Variants in ABHD12 observed in about 807,000 individuals in gnomAD.
ABHD12 encodes the protein lysophosphatidylserine lipase ABHD12.
In ABHD12, 43 loss-of-function variants were observed where a neutral mutation model predicts 58.3. The ratio of observed to expected loss-of-function variants is 0.74; its 90% confidence interval spans 0.58 to 0.95. The LOEUF is 0.95. Among genes scored for constraint, ABHD12 ranks in the 40% least tolerant of loss-of-function variants. The probability of loss-of-function intolerance (pLI) is 0.00; values close to 1 mark genes in which losing one functional copy is unlikely to be tolerated. For missense variants in ABHD12, 539 were observed against 537.2 expected (o/e 1.00, Z -0.03); for synonymous variants, 219 against 211.2 (o/e 1.04, Z -0.32).
chr20:25,312,064 A>G (rs1016612706), intron 6 of ABHD12, among the ~76,000 whole-genome samples: 2 of 152,016 alleles, frequency 1.3e-5, no homozygotes, highest in African/African-American at 4.8e-5. Context: ...CACACCTGTA[A>G]TCCCAACACT....
chr20:25,308,724 C>T (rs1373483162), intron 7 of ABHD12, among the ~76,000 whole-genome samples: 2 of 152,188 alleles, frequency 1.3e-5, no homozygotes, highest in African/African-American at 4.8e-5. Flanking sequence ...AGCTTGTCCC[C>T]GAGGTGTGTC....
intron 11 of ABHD12, among the ~76,000 whole-genome samples, chr20:25,302,901 G>A (rs566005165): frequency 6.6e-6 from 1 of 152,296 alleles, no homozygotes; most frequent in East Asian, 1.9e-4. Flanking sequence ...GGCTGAATCC[G>A]TGGACGAGGC....
In ABHD12 at chr20:25,308,501, A is replaced by G. The variant is rs776356888; in HGVS notation, c.750-7T>C. ...CACCAGATTTGTCGCCACGCTAGGAAAAAAGAAAAACAGCTTAGTTGAGTT... is the reference window on the plus strand; with the variant it reads ...CACCAGATTTGTCGCCACGCTAGGAGAAAAGAAAAACAGCTTAGTTGAGTT... On this transcript the variant is annotated splice_polypyrimidine_tract_variant and splice_region_variant and intron_variant, in intron 7 of 12. Coordinates refer to ENST00000339157, the MANE Select transcript of ABHD12 (RefSeq NM_001042472.3). 5 of 1,608,744 alleles carry G rather than the reference A, an allele frequency of 3.1e-6. No individual in the cohort carries two copies. The highest frequency in any genetic ancestry group is 1.7e-5 in the Admixed American group (1 of 59,350).
At chr20:25,315,644 A>T (rs543415428) in intron 5 of ABHD12, among the ~76,000 whole-genome samples, 3 of 152,170 alleles carry the variant, frequency 2.0e-5, no homozygotes, top group Admixed American at 2.0e-4. Flanking sequence ...GCTCCTAGCC[A>T]CCGCAGAGGC....
intron 1 of ABHD12, among the ~76,000 whole-genome samples, chr20:25,356,735 G>A (rs1381125196): frequency 1.3e-5 from 2 of 152,202 alleles, no homozygotes; most frequent in Admixed American, 1.3e-4. Context: ...GGGGTCTCCA[G>A]AGCCTCTGAC....
intron 4 of ABHD12, among the ~76,000 whole-genome samples, 190 bp from the exon 5 acceptor site, chr20:25,317,268 T>C (rs2088980583): frequency 1.3e-5 from 2 of 152,082 alleles, no homozygotes; most frequent in Admixed American, 1.3e-4. Context: ...TCTTAGCACT[T>C]TGGGGGAGAT....
intron 1 of ABHD12, among the ~76,000 whole-genome samples, chr20:25,377,974 G>A (rs775392853): frequency 1.4e-4 from 21 of 152,210 alleles, no homozygotes; most frequent in Non-Finnish European, 2.9e-4. Flanking sequence ...GGGATGACAG[G>A]CGTGGGCCAC....
At chr20:25,375,476 C>T (rs901537479) in intron 1 of ABHD12, among the ~76,000 whole-genome samples, 2 of 152,204 alleles carry the variant, frequency 1.3e-5, no homozygotes, top group African/African-American at 2.4e-5. Context: ...CTGCAGACCC[C>T]AGGGTCTCTC....
intron 1 of ABHD12, among the ~76,000 whole-genome samples, chr20:25,363,977 G>C (rs1191500535): frequency 6.6e-6 from 1 of 152,158 alleles, no homozygotes; most frequent in Admixed American, 6.5e-5. Context: ...ACAAACACAA[G>C]CATCTGCATT....
Position 25,323,389 on chromosome 20 carries a change from G to GA in ABHD12, c.357dup (p.Gln120SerfsTer8). The GA allele has an allele frequency of 1.2e-6, 2 of 1,613,992 alleles. No individual in the cohort carries two copies. Among genetic ancestry groups the GA allele is most frequent in the Non-Finnish European group, 1.7e-6 (2 of 1,179,884 alleles). On this transcript the variant is annotated frameshift_variant, in exon 3 of 13. Coordinates refer to ENST00000339157, the MANE Select transcript of ABHD12 (RefSeq NM_001042472.3). LOFTEE classifies it high-confidence loss of function. ...TAGTTACACGTGTGATTCAAACCTTGATCCTGTGGTTTTTTCAAATCAATG... is the reference window on the plus strand; with the variant it reads ...TAGTTACACGTGTGATTCAAACCTTGAATCCTGTGGTTTTTTCAAATCAATG...
At chr20:25,342,456 T>A (rs1319402177) in intron 1 of ABHD12, among the ~76,000 whole-genome samples, 3 of 28,190 alleles carry the variant, frequency 1.1e-4, no homozygotes, top group Non-Finnish European at 2.2e-4. Context: ...GATACCACAT[T>A]TTTTTTTTTT....
chr20:25,357,768 T>C (rs962452214), intron 1 of ABHD12, among the ~76,000 whole-genome samples: 3 of 152,146 alleles, frequency 2.0e-5, no homozygotes, highest in Non-Finnish European at 4.4e-5. Flanking sequence ...CCCAGCACTT[T>C]GGAAGGACAA....
At chr20:25,356,182 G>A (rs2089665740) in intron 1 of ABHD12, among the ~76,000 whole-genome samples, 1 of 152,234 alleles carries the variant, frequency 6.6e-6, no homozygotes, top group South Asian at 2.1e-4. Flanking sequence ...AAAACTGCAA[G>A]GGAAAAAACA....
intron 1 of ABHD12, among the ~76,000 whole-genome samples, chr20:25,364,434 G>A (rs1227701692): frequency 6.6e-6 from 1 of 152,230 alleles, no homozygotes; most frequent in Non-Finnish European, 1.5e-5. Context: ...AGGGGATGTG[G>A]TGGGCAGAGA....
chr20:25,335,858 G>A (rs997402421), intron 2 of ABHD12, among the ~76,000 whole-genome samples: 2 of 148,632 alleles, frequency 1.3e-5, no homozygotes, highest in African/African-American at 2.5e-5. Flanking sequence ...CCTAATGCTA[G>A]ATGACGAGTT....
intron 2 of ABHD12, among the ~76,000 whole-genome samples, chr20:25,331,128 T>C (rs1013753502): frequency 2.6e-5 from 4 of 152,198 alleles, no homozygotes; most frequent in Non-Finnish European, 4.4e-5. Flanking sequence ...AAGGAGCTGA[T>C]GGAGCTGAAA....
chr20:25,386,769 T>A (rs2090096662), intron 1 of ABHD12, among the ~76,000 whole-genome samples: 1 of 151,826 alleles, frequency 6.6e-6, no homozygotes, highest in African/African-American at 2.4e-5. Context: ...TAATCCCAGC[T>A]ACCCGGGAGG....
In ABHD12 at chr20:25,305,987, G is replaced by A. The variant is rs181563837; in HGVS notation, c.950+846C>T. On this transcript the variant is annotated intron_variant, in intron 10 of 12. Coordinates refer to ENST00000339157, the MANE Select transcript of ABHD12 (RefSeq NM_001042472.3). ...TCGAGACCAGCCCGGCCAACATGGT[G>A]AAACCCCGTCTCTACAAAAATACAA... Among the ~76,000 whole-genome samples the A allele has an allele frequency of 1.9e-4, 29 of 152,124 alleles. No homozygotes were observed. The East Asian group carries it at 4.5e-3, about 23-fold the overall frequency.
chr20:25,381,975 T>C (rs1028168902), intron 1 of ABHD12, among the ~76,000 whole-genome samples: 1 of 152,278 alleles, frequency 6.6e-6, no homozygotes, highest in South Asian at 2.1e-4. Context: ...GAGCTCTTAA[T>C]ATTATAATCA....
Sources: gnomAD v4.1 joint callset for allele counts (sites outside exome capture counted in the v4.1 genomes callset) on GRCh38, gnomAD v4.1.1 for gene constraint, MANE v1.5 for transcripts, NCBI Gene and HGNC (gene_info 2026-07-23, HGNC 2026-07-21) for gene names.